The following LOXL1 variants were observed in gnomAD, a reference collection of about 807,000 sequenced individuals.
LOXL1 encodes lysyl oxidase homolog 1.
In LOXL1, 31 loss-of-function variants were observed where a neutral mutation model predicts 62.2. The ratio of observed to expected loss-of-function variants is 0.50; its 90% CI spans 0.37 to 0.67. LOXL1 has a LOEUF of 0.67. Ranked by LOEUF, LOXL1 falls within the 30% of genes least tolerant of loss-of-function variation. The pLI is 0.00. For missense variants in LOXL1, 775 were observed against 843.4 expected, an observed-to-expected ratio of 0.92 and a Z score of 1.00; for synonymous variants, 403 against 384.4, an observed-to-expected ratio of 1.05 and a Z score of -0.56.
chr15:73,947,657 G>A (rs2068757486), intron 4 of LOXL1, 150 bp from the exon 5 acceptor site: 1 of 587,196 alleles, frequency 1.7e-6, no homozygotes, highest in East Asian at 2.8e-5. Context: ...AGTGGCTTTA[G>A]GAAGGTGTGG....
chr15:73,940,677 T>C (rs1321848937), intron 1 of LOXL1, among the ~76,000 whole-genome samples: 1 of 152,128 alleles, frequency 6.6e-6, no homozygotes, highest in East Asian at 1.9e-4. Context: ...GGGTTCAGTA[T>C]GTGACCAAGG....
chr15:73,948,039 A>G, intron 5 of LOXL1, 137 bp downstream of exon 5: 1 of 603,760 alleles, frequency 1.7e-6, no homozygotes, highest in Non-Finnish European at 2.9e-6. Flanking sequence ...CTGAGGCATC[A>G]CTTGAGGTTT....
Position 73,946,540 on chromosome 15 carries a change from G to T in LOXL1, c.1335G>T (p.Trp445Cys). The T allele has an allele frequency of 1.9e-6, 3 of 1,606,594 alleles. No individual in the cohort carries two copies. The highest frequency in any genetic ancestry group is 2.5e-6 in the Non-Finnish European group (3 of 1,176,844). Reference protein sequence around the residue: ...LPNRPRHTWEWHSCHQHYHSM... With the variant: ...LPNRPRHTWECHSCHQHYHSM... ...ACCGGCCACGGCACACCTGGGAGTG[G>T]CACAGCTGCCACCAGTGAGTGGGGA... The change falls in exon 3 of 7, where the codon TGG (tryptophan) becomes TGT (cysteine). Residue 445 changes from tryptophan (W) to cysteine (C), a missense_variant. Coordinates refer to ENST00000261921, the MANE Select transcript of LOXL1 (RefSeq NM_005576.4).
At chr15:73,946,674 C>A in intron 3 of LOXL1, 120 bp downstream of exon 3, 1 of 1,226,464 alleles carries the variant, frequency 8.2e-7, no homozygotes, top group Non-Finnish European at 1.1e-6. Flanking sequence ...GATTAGAGGG[C>A]CCGGGGAGGT....
chr15:73,932,410 T>C (rs2068641234), intron 1 of LOXL1, among the ~76,000 whole-genome samples: 1 of 152,208 alleles, frequency 6.6e-6, no homozygotes, highest in Non-Finnish European at 1.5e-5. Flanking sequence ...AAAATTTATA[T>C]ATTATTGCTT....
At position 73,951,889 on chromosome 15, in the gene LOXL1, T is replaced by C; in HGVS notation, c.*52T>C. 1 of 1,441,656 alleles carries C rather than the reference T, an allele frequency of 6.9e-7. No individual in the cohort carries two copies. Among genetic ancestry groups the C allele is most frequent in the East Asian group, 2.7e-5 (1 of 37,176 alleles). The allele number at this position is 1,441,656 out of a possible 1,614,324, so 89.3% of individuals were successfully genotyped here. A position where few individuals can be genotyped will look rare whatever the true frequency, so the allele number is the denominator to read the frequency against. On this transcript the variant is annotated 3_prime_UTR_variant, in exon 7 of 7. Coordinates refer to ENST00000261921, the MANE Select transcript of LOXL1 (RefSeq NM_005576.4). Reference sequence around the variant, plus strand: ...TCTCCCCTTCCAAAGCAGGCCCTGCTCCCCGGGCAGCCTCCCGCCGAGGGG... The same window carrying C: ...TCTCCCCTTCCAAAGCAGGCCCTGCCCCCCGGGCAGCCTCCCGCCGAGGGG...
Position 73,951,894 on chromosome 15 carries a change from G to C in LOXL1, c.*57G>C, listed in dbSNP as rs895689668. ...CCTTCCAAAGCAGGCCCTGCTCCCC[G>C]GGCAGCCTCCCGCCGAGGGGCCCAG... On this transcript the variant is annotated 3_prime_UTR_variant, in exon 7 of 7. Transcript: ENST00000261921. 1.4e-6 allele frequency: 2 copies of C among 1,428,392 alleles called. No individual in the cohort carries two copies. Among genetic ancestry groups the C allele is most frequent in the East Asian group, 5.4e-5 (2 of 37,054 alleles). 88.5% of individuals were successfully genotyped at this position (1,428,392 alleles called of 1,614,324 possible).
chr15:73,937,547 C>T (rs1323935319), intron 1 of LOXL1, among the ~76,000 whole-genome samples: 1 of 152,266 alleles, frequency 6.6e-6, no homozygotes, highest in Non-Finnish European at 1.5e-5. Context: ...GGCCCAGGCT[C>T]TGTGCAGCCT....
chr15:73,950,654 T>C (rs538232691), intron 6 of LOXL1, among the ~76,000 whole-genome samples: 2 of 150,246 alleles, frequency 1.3e-5, no homozygotes, highest in South Asian at 4.1e-4. Flanking sequence ...CAGGGCCCAG[T>C]GTGTAGCCAG....
At position 73,947,898 on chromosome 15, in the gene LOXL1, T is replaced by A; in HGVS notation, c.1598T>A (p.Leu533His). ...ITDVQPGNYILKVHVNPKYIV... is the reference protein window; with the variant it reads ...ITDVQPGNYIHKVHVNPKYIV... ...GACGTGCAGCCTGGGAACTACATCC[T>A]CAAGGTGGGCCTCTGGGTCTGGGGC... Residue 533 changes from leucine (L) to histidine (H), a missense_variant, in exon 5 of 7, where the codon CTC (leucine) becomes CAC (histidine). Leu to His is a moderately conservative substitution (Grantham distance 99, BLOSUM62 -3). Coordinates refer to ENST00000261921, the MANE Select transcript of LOXL1 (RefSeq NM_005576.4). 1 of 1,612,408 alleles carries A rather than the reference T, an allele frequency of 6.2e-7. No homozygotes were observed. Among genetic ancestry groups the A allele is most frequent in the Non-Finnish European group, 8.5e-7 (1 of 1,178,810 alleles).
intron 1 of LOXL1, chr15:73,941,984 C>A: frequency 3.7e-6 from 1 of 270,252 alleles, no homozygotes; most frequent in South Asian, 2.9e-5. Context: ...ACCACAAGGA[C>A]GGGGGCAGTC....
At position 73,926,621 on chromosome 15, in the gene LOXL1, C is replaced by A; in HGVS notation, c.-163C>A. Reference sequence around the variant, plus strand: ...TGACCCCTTGGCCTTGAAATGCTGTCATCGGAGGAGCCGTCCCGCTCGGGA... The same window carrying A: ...TGACCCCTTGGCCTTGAAATGCTGTAATCGGAGGAGCCGTCCCGCTCGGGA... On this transcript the variant is annotated 5_prime_UTR_variant, in exon 1 of 7. It introduces an in-frame stop codon into an upstream open reading frame of the 5' UTR. Transcript: ENST00000261921. 2 of 786,930 alleles carry A rather than the reference C, an allele frequency of 2.5e-6. No homozygotes were observed. Among genetic ancestry groups the A allele is most frequent in the South Asian group, 3.1e-5 (1 of 32,384 alleles). The allele number at this position is 786,930 out of a possible 1,614,324, so 48.7% of individuals were successfully genotyped here.
Position 73,926,963 on chromosome 15 carries a change from G to C in LOXL1, c.180G>C (p.Glu60Asp). 1.3e-6 allele frequency: 2 copies of C among 1,541,458 alleles called. No homozygotes were observed. The highest frequency in any genetic ancestry group is 1.7e-6 in the Non-Finnish European group (2 of 1,143,994). Residue 60 changes from glutamate (E) to aspartate (D), a missense_variant, in exon 1 of 7, where the codon GAG (glutamate) becomes GAC (aspartate). Transcript: ENST00000261921. ...QVYSLLNSGS[E>D]YVPAGPQRSE... ...ACAGCTTGCTCAACTCGGGCTCAGA[G>C]TACGTGCCGGCCGGACCTCAGCGCT...
chr15:73,929,700 G>A lies in LOXL1; in HGVS notation c.1102+1815G>A, dbSNP rs548723843. On this transcript the variant is annotated intron_variant, in intron 1 of 6. Transcript: ENST00000261921. ...CTGCAGAAGGGCGCATTATAGCCAT[G>A]CATCAGCTGCTCTAGGGCCCCTTGG... 2.0e-5 allele frequency among the ~76,000 whole-genome samples: 3 copies of A among 152,360 alleles called. No homozygotes were observed. In the East Asian group the frequency reaches 5.8e-4, roughly 29 times the overall value.
rs759067104 is a variant in LOXL1 at position 73,927,410 on chromosome 15, C to G, written c.627C>G (p.Gly209=). 8 of 1,538,456 alleles carry G rather than the reference C, an allele frequency of 5.2e-6. No individual in the cohort carries two copies. Among genetic ancestry groups the G allele is most frequent in the African/African-American group, 1.4e-5 (1 of 69,912 alleles). Reference sequence around the variant, plus strand: ...GTTTCGTGTACTACCGGCCCGCGGGCGGCGGCGTGGGCGCGGGGGCGGCGG... The same window carrying G: ...GTTTCGTGTACTACCGGCCCGCGGGGGGCGGCGTGGGCGCGGGGGCGGCGG... The part of the protein sequence containing the change: ...DQGFVYYRPA[G]GGVGAGAAAV... The change falls in exon 1 of 7, where the codon GGC becomes GGG. Residue 209 remains glycine, a synonymous_variant. Coordinates refer to ENST00000261921, the MANE Select transcript of LOXL1 (RefSeq NM_005576.4).
In LOXL1 at chr15:73,946,400, C is replaced by T. The variant is rs2068747314; in HGVS notation, c.1212-17C>T. 1 of 1,599,612 alleles carries T rather than the reference C, an allele frequency of 6.3e-7. No individual in the cohort carries two copies. Among genetic ancestry groups the T allele is most frequent in the South Asian group, 1.1e-5 (1 of 90,230 alleles). On this transcript the variant is annotated splice_polypyrimidine_tract_variant and intron_variant, in intron 2 of 6. Transcript: ENST00000261921. ...CTGTGCCCCAACCCCCCCTCATCTCCCCCGCCGTCCCTGCAGCACAGCCTA... is the reference window on the plus strand; with the variant it reads ...CTGTGCCCCAACCCCCCCTCATCTCTCCCGCCGTCCCTGCAGCACAGCCTA...
chr15:73,951,927 CCCACAGGCACGGAGGGGCATCCCT>C lies in LOXL1; in HGVS notation c.*93_*116del. On this transcript the variant is annotated 3_prime_UTR_variant, in exon 7 of 7. Coordinates refer to ENST00000261921, the MANE Select transcript of LOXL1 (RefSeq NM_005576.4). ...TCCCGCCGAGGGGCCCAGCCCCCAA[CCCACAGGCACGGAGGGGCATCCCT>C]CCCTGCCGGCCTCAGGGAGCGAACG... 7.9e-7 allele frequency: 1 copy of C among 1,263,282 alleles called. No individual in the cohort carries two copies. The highest frequency in any genetic ancestry group is 1.0e-6 in the Non-Finnish European group (1 of 965,302). The allele number at this position is 1,263,282 out of a possible 1,614,324, so 78.3% of individuals were successfully genotyped here. A position where few individuals can be genotyped will look rare whatever the true frequency, so the allele number is the denominator to read the frequency against.
At chr15:73,946,921 G>A (rs1232989420) in intron 3 of LOXL1, 146 bp from the exon 4 acceptor site, 19 of 870,524 alleles carry the variant, frequency 2.2e-5, no homozygotes, top group Middle Eastern at 2.4e-4. Flanking sequence ...GGGCCACCCC[G>A]CAGTACTCAG....
chr15:73,949,347 T>C, intron 5 of LOXL1, 112 bp from the exon 6 acceptor site: 1 of 741,842 alleles, frequency 1.3e-6, no homozygotes, highest in South Asian at 1.5e-5. Flanking sequence ...TCTCCCTCTC[T>C]CTGTCACCTC....
Sources: allele counts gnomAD v4.1 joint callset (sites outside exome capture counted in the v4.1 genomes callset), GRCh38; gene constraint gnomAD v4.1.1; transcripts MANE v1.5; gene names NCBI Gene and HGNC (gene_info 2026-07-23, HGNC 2026-07-21).